The following TUT4 variants were observed in gnomAD, a reference collection of about 807,000 sequenced individuals.
TUT4 encodes terminal uridylyl transferase 4.
In TUT4, 36 loss-of-function variants were observed where a neutral mutation model predicts 192.2. That is an observed-to-expected ratio of 0.19 (90% CI 0.14 to 0.25). The LOEUF is 0.25. TUT4 is among the 10% of genes least tolerant of loss of function. The pLI is 1.00. For missense variants in TUT4, 1,493 were observed against 1,957.2 expected, an observed-to-expected ratio of 0.76 and a Z score of 4.47; for synonymous variants, 618 against 666.0, an observed-to-expected ratio of 0.93 and a Z score of 1.11.
chr1:52,504,587 G>A (rs57289153), intron 4 of TUT4, among the ~76,000 whole-genome samples: 4,252 of 152,008 alleles, frequency 0.028, 79 homozygotes, highest in South Asian at 0.063. Flanking sequence ...ATGAGATAGC[G>A]CCACTGCACT....
intron 1 of TUT4, among the ~76,000 whole-genome samples, 181 bp from the exon 2 acceptor site, chr1:52,526,554 T>G (rs769195317): frequency 6.7e-6 from 1 of 149,322 alleles, no homozygotes; most frequent in African/African-American, 2.5e-5. Flanking sequence ...ACTAGGTAAA[T>G]AGCCAAATGC....
chr1:52,505,463 C>T (rs1469707480), intron 4 of TUT4, among the ~76,000 whole-genome samples: 1 of 148,630 alleles, frequency 6.7e-6, no homozygotes, highest in Non-Finnish European at 1.5e-5. Flanking sequence ...ACTCTGCCAC[C>T]CAGGCTGGAG....
At chr1:52,522,463 T>A (rs1024804574) in intron 2 of TUT4, among the ~76,000 whole-genome samples, 2 of 152,180 alleles carry the variant, frequency 1.3e-5, no homozygotes, top group Non-Finnish European at 2.9e-5. Flanking sequence ...GGCAGCAGCA[T>A]CTCCACTTTT....
intron 28 of TUT4, among the ~76,000 whole-genome samples, chr1:52,429,417 G>A (rs937418308): frequency 6.6e-6 from 1 of 151,620 alleles, no homozygotes. Context: ...ACAGTGGTGT[G>A]TGCCTGTAGT....
chr1:52,486,712 C>A (rs1311200380), intron 9 of TUT4, among the ~76,000 whole-genome samples: 1 of 152,058 alleles, frequency 6.6e-6, no homozygotes, highest in Non-Finnish European at 1.5e-5. Context: ...AGAAAGAAAC[C>A]ATTCTACAAC....
At chr1:52,545,966 C>CAAAAAA (rs71041901) in intron 1 of TUT4, among the ~76,000 whole-genome samples, 7 of 72,400 alleles carry the variant, frequency 9.7e-5, no homozygotes, top group African/African-American at 2.5e-4. Context: ...TACAAAAATA[C>CAAAAAA]AAAAAAAAAA....
chr1:52,458,477 A>C, intron 19 of TUT4, 28 bp from the exon 20 acceptor site: 2 of 1,540,552 alleles, frequency 1.3e-6, no homozygotes, highest in Non-Finnish European at 1.8e-6. Flanking sequence ...TGAAAACAAA[A>C]CTTCAGAGTC....
intron 5 of TUT4, among the ~76,000 whole-genome samples, chr1:52,496,325 A>C (rs543870026): frequency 5.5e-4 from 83 of 152,258 alleles, no homozygotes; most frequent in African/African-American, 2.0e-3. Flanking sequence ...ACAAGGATTC[A>C]ATGTATTTTA....
Position 52,471,971 on chromosome 1 carries a change from T to A in TUT4, c.2859A>T (p.Leu953Phe). ...ACTTACCAAAACATCTTTTACATAC[T>A]AAATCAAGTATTTCCCGAAATCGGT... ...MTNRFREILDLVCKRCFDELS... is the reference protein window; with the variant it reads ...MTNRFREILDFVCKRCFDELS... Residue 953 changes from leucine to phenylalanine, a missense_variant, in exon 14 of 30, where the codon TTA becomes TTT. Transcript: ENST00000257177. 2 of 1,613,422 alleles carry A rather than the reference T, an allele frequency of 1.2e-6. No homozygotes were observed. Among genetic ancestry groups the A allele is most frequent in the Non-Finnish European group, 1.7e-6 (2 of 1,179,628 alleles).
intron 16 of TUT4, chr1:52,463,580 T>G: frequency 1.6e-6 from 2 of 1,260,196 alleles, no homozygotes; most frequent in Non-Finnish European, 2.1e-6. Context: ...TGCCAGAAGC[T>G]GGGCCTCACC....
chr1:52,525,415 G>T, intron 2 of TUT4, 148 bp downstream of exon 2: 1 of 1,035,810 alleles, frequency 9.7e-7, no homozygotes, highest in Non-Finnish European at 1.3e-6. Context: ...AACCATTAAT[G>T]CAAGTATTAT....
At chr1:52,482,858 T>G (rs2148984451) in intron 9 of TUT4, among the ~76,000 whole-genome samples, 1 of 152,344 alleles carries the variant, frequency 6.6e-6, no homozygotes, top group Middle Eastern at 3.4e-3. Context: ...TGCTGTAATG[T>G]TCATCCTTAT....
At chr1:52,466,682 A>ATATTTTTT (rs372853314) in intron 15 of TUT4, among the ~76,000 whole-genome samples, 1 of 123,830 alleles carries the variant, frequency 8.1e-6, no homozygotes, top group African/African-American at 3.2e-5. Context: ...ATATATATAT[A>ATATTTTTT]TTTTTGAGAC....
At chr1:52,492,623 GC>G (rs1671459450) in intron 7 of TUT4, among the ~76,000 whole-genome samples, 2 of 152,328 alleles carry the variant, frequency 1.3e-5, no homozygotes, top group Admixed American at 6.5e-5. Flanking sequence ...TAAAATCTGA[GC>G]CCAGAAAGTC....
Position 52,489,005 on chromosome 1 carries a change from GT to G in TUT4, c.1418del (p.Asn473ThrfsTer17). On this transcript the variant is annotated frameshift_variant, in exon 9 of 30. Transcript: ENST00000257177. LOFTEE classifies it high-confidence loss of function. Reference protein sequence around the residue: ...SGLLCRVSAGNDMACLTTDLL... With the variant: ...SGLLCRVSAGXDMACLTTDLL... ...AATCAGTAGTGAGACATGCCATATC[GT>G]TTCCTGCACTCACTCTACAAAGTAA... 6.2e-7 allele frequency: 1 copy of G among 1,613,446 alleles called. No individual in the cohort carries two copies. Among genetic ancestry groups the G allele is most frequent in the Non-Finnish European group, 8.5e-7 (1 of 1,179,758 alleles).
chr1:52,452,391 T>C (rs555892118), intron 20 of TUT4, among the ~76,000 whole-genome samples: 3 of 152,288 alleles, frequency 2.0e-5, no homozygotes, highest in African/African-American at 4.8e-5. Context: ...GCAAGCAAGT[T>C]GACTACTGGC....
At chr1:52,548,896 C>T (rs909293311) in intron 1 of TUT4, among the ~76,000 whole-genome samples, 1 of 152,214 alleles carries the variant, frequency 6.6e-6, no homozygotes, top group African/African-American at 2.4e-5. Flanking sequence ...CTATTGTTTT[C>T]TAGAGCTAAA....
intron 12 of TUT4, among the ~76,000 whole-genome samples, chr1:52,477,114 T>A (rs1667298332): frequency 6.6e-6 from 1 of 152,224 alleles, no homozygotes; most frequent in Non-Finnish European, 1.5e-5. Context: ...AGATCTTATA[T>A]TATTCATAAC....
intron 1 of TUT4, chr1:52,538,677 A>G (rs1434878377): frequency 2.6e-5 from 4 of 151,768 alleles, no homozygotes; most frequent in African/African-American, 4.8e-5. Flanking sequence ...AAGAAAAAAA[A>G]AAAAGAAAAA....
Sources: allele counts gnomAD v4.1 joint callset (sites outside exome capture counted in the v4.1 genomes callset), GRCh38; gene constraint gnomAD v4.1.1; transcripts MANE v1.5; gene names NCBI Gene and HGNC (gene_info 2026-07-23, HGNC 2026-07-21).